The following NECAB1 variants were observed in gnomAD, a reference collection of about 807,000 sequenced individuals.
NECAB1 encodes N-terminal EF-hand calcium binding protein 1, also known as N-terminal EF-hand calcium-binding protein 1.
A neutral mutation model predicts 57.5 loss-of-function variants in NECAB1; 29 were observed. The observed-to-expected ratio is 0.50, with a 90% CI of 0.38 to 0.69. NECAB1 has a LOEUF of 0.69. Ranked by LOEUF, NECAB1 falls within the 30% of genes least tolerant of loss-of-function variation. The probability of loss-of-function intolerance (pLI) is 0.00; values close to 1 mark genes in which losing one functional copy is unlikely to be tolerated. For synonymous variants in NECAB1, 142 were observed against 147.7 expected, an observed-to-expected ratio of 0.96 and a Z score of 0.28; for missense variants, 372 against 413.8, an observed-to-expected ratio of 0.90 and a Z score of 0.88.
chr8:90,931,732 C>T (rs945418730), intron 8 of NECAB1, among the ~76,000 whole-genome samples: 5 of 151,838 alleles, frequency 3.3e-5, no homozygotes, highest in Non-Finnish European at 5.9e-5. Flanking sequence ...GGCAAAACCC[C>T]ATCTCTACTA....
intron 12 of NECAB1, among the ~76,000 whole-genome samples, chr8:90,952,892 G>A (rs1179615951): frequency 6.6e-6 from 1 of 152,080 alleles, no homozygotes; most frequent in African/African-American, 2.4e-5. Context: ...ATGCAGGAAA[G>A]TGAGATCCAC....
chr8:90,905,677 A>C (rs961042279), intron 5 of NECAB1, among the ~76,000 whole-genome samples: 1 of 152,136 alleles, frequency 6.6e-6, no homozygotes, highest in Non-Finnish European at 1.5e-5. Context: ...CCTTTGTTTA[A>C]TACTGCAAAA....
intron 7 of NECAB1, 114 bp from the exon 8 acceptor site, chr8:90,928,108 CA>C: frequency 1.3e-6 from 1 of 751,558 alleles, no homozygotes; most frequent in South Asian, 1.7e-5. Context: ...AAAAAATGAC[CA>C]GTCAGTGACA....
At chr8:90,833,623 C>T (rs184946459) in intron 3 of NECAB1, among the ~76,000 whole-genome samples, 1 of 152,128 alleles carries the variant, frequency 6.6e-6, no homozygotes, top group Non-Finnish European at 1.5e-5. Flanking sequence ...AAATTGTCTA[C>T]TGAGGAAGCT....
intron 3 of NECAB1, among the ~76,000 whole-genome samples, chr8:90,849,155 G>T (rs915913881): frequency 2.0e-5 from 3 of 152,166 alleles, no homozygotes; most frequent in Admixed American, 6.5e-5. Flanking sequence ...AGTGCATCCA[G>T]TAAGGAGACT....
At chr8:90,826,820 A>G (rs1247347187) in intron 3 of NECAB1, among the ~76,000 whole-genome samples, 2 of 151,900 alleles carry the variant, frequency 1.3e-5, no homozygotes, top group African/African-American at 2.4e-5. Context: ...ATTACTTGGC[A>G]TAGCTTTAAG....
At chr8:90,872,806 G>T (rs990217379) in intron 4 of NECAB1, among the ~76,000 whole-genome samples, 5 of 152,096 alleles carry the variant, frequency 3.3e-5, no homozygotes, top group African/African-American at 1.2e-4. Flanking sequence ...ATACTGGAAG[G>T]TTTAATGTTT....
At chr8:90,823,413 A>T (rs1396987935) in intron 2 of NECAB1, among the ~76,000 whole-genome samples, 2 of 151,862 alleles carry the variant, frequency 1.3e-5, no homozygotes, top group Non-Finnish European at 2.9e-5. Flanking sequence ...GTAGTCTGTA[A>T]GTCCTTATCT....
At chr8:90,817,613 T>C (rs1812080235) in intron 2 of NECAB1, among the ~76,000 whole-genome samples, 1 of 151,842 alleles carries the variant, frequency 6.6e-6, no homozygotes. Flanking sequence ...GTGGATTACA[T>C]TGATTGATTC....
chr8:90,930,095 A>C (rs370843289), intron 8 of NECAB1, among the ~76,000 whole-genome samples: 54 of 152,352 alleles, frequency 3.5e-4, no homozygotes, highest in African/African-American at 1.2e-3. Context: ...AACAAATGCA[A>C]AATGGGTTAA....
chr8:90,879,650 G>A (rs1159800746), intron 4 of NECAB1, among the ~76,000 whole-genome samples: 1 of 151,830 alleles, frequency 6.6e-6, no homozygotes, highest in Non-Finnish European at 1.5e-5. Context: ...AATATTCTAC[G>A]GCCACATTAA....
intron 6 of NECAB1, among the ~76,000 whole-genome samples, chr8:90,918,741 T>C (rs952666633): frequency 3.3e-5 from 5 of 152,168 alleles, no homozygotes; most frequent in East Asian, 1.9e-4. Flanking sequence ...CCACCTCTCA[T>C]GTGGCTCACT....
chr8:90,953,281 A>G (rs1810956172), intron 12 of NECAB1, among the ~76,000 whole-genome samples: 1 of 152,196 alleles, frequency 6.6e-6, no homozygotes, highest in Non-Finnish European at 1.5e-5. Flanking sequence ...CTAATCTGAT[A>G]GTTTTCTGAC....
chr8:90,808,955 AATTCTT>A (rs1173486844), intron 2 of NECAB1, among the ~76,000 whole-genome samples: 2 of 151,782 alleles, frequency 1.3e-5, no homozygotes, highest in Non-Finnish European at 2.9e-5. Flanking sequence ...TTTTCATCCT[AATTCTT>A]ATTCTTATTT....
intron 3 of NECAB1, among the ~76,000 whole-genome samples, chr8:90,854,764 A>G (rs1398822948): frequency 5.3e-5 from 8 of 152,234 alleles, no homozygotes; most frequent in African/African-American, 1.7e-4. Flanking sequence ...TATAATCCAC[A>G]GGGTAATGGA....
chr8:90,915,992 T>C (rs574412573), intron 5 of NECAB1, among the ~76,000 whole-genome samples: 2 of 152,320 alleles, frequency 1.3e-5, no homozygotes, highest in Admixed American at 6.5e-5. Context: ...CCCACCCAGA[T>C]TGAGGGTGGG....
intron 10 of NECAB1, among the ~76,000 whole-genome samples, chr8:90,942,443 G>A (rs900062464): frequency 1.3e-5 from 2 of 152,126 alleles, no homozygotes; most frequent in Admixed American, 1.3e-4. Context: ...GTGTTTCCAT[G>A]ATTATTTTTA....
intron 5 of NECAB1, among the ~76,000 whole-genome samples, chr8:90,886,665 G>A (rs184408148): frequency 3.3e-5 from 5 of 152,062 alleles, no homozygotes; most frequent in Admixed American, 6.6e-5. Flanking sequence ...GATTACAGGC[G>A]AGAGCCACAG....
intron 9 of NECAB1, chr8:90,940,437 A>G (rs1810641822): frequency 4.5e-6 from 1 of 220,852 alleles, no homozygotes; most frequent in South Asian, 8.4e-5. Flanking sequence ...CAATACAGAC[A>G]CTTAGGGAGG....
Sources: gnomAD v4.1 joint callset for allele counts (sites outside exome capture counted in the v4.1 genomes callset) on GRCh38, gnomAD v4.1.1 for gene constraint, MANE v1.5 for transcripts, NCBI Gene and HGNC (gene_info 2026-07-23, HGNC 2026-07-21) for gene names.